BDNF: variants seen among roughly 807,000 people sequenced by gnomAD.
BDNF encodes brain derived neurotrophic factor.
A neutral mutation model predicts 19.5 loss-of-function variants in BDNF; 1 was observed. The ratio of observed to expected loss-of-function variants is 0.05; its 90% CI spans 0.02 to 0.24. The LOEUF (loss-of-function observed/expected upper bound fraction) is 0.24. Among genes scored for constraint, BDNF ranks in the 10% least tolerant of loss-of-function variants. BDNF has a pLI of 1.00. For synonymous variants in BDNF, 100 were observed against 121.6 expected (o/e 0.82, Z 1.17); for missense variants, 195 against 317.6 (o/e 0.61, Z 2.93).
At chr11:27,682,127 A>G (rs1856905475) in intron 1 of BDNF, among the ~76,000 whole-genome samples, 1 of 152,156 alleles carries the variant, frequency 6.6e-6, no homozygotes, top group East Asian at 1.9e-4. Flanking sequence ...GTACTTGGAT[A>G]GTGAAATAAA....
In BDNF at chr11:27,657,457, G is replaced by T. The variant is rs1257227892; in HGVS notation, c.*364C>A. ...TTTGGTTCAAATTTTTGTTGTGTGT[G>T]TGTGTGTTTTTTTTCTGTTTTCTGA... On this transcript the variant is annotated 3_prime_UTR_variant, in exon 2 of 2. Coordinates refer to ENST00000356660, the MANE Select transcript of BDNF (RefSeq NM_001709.5). This position sits in a 1 kb window ranked among gnomAD's most constrained non-coding sequence, Gnocchi z 5.0. 10 of 1,006,978 alleles carry T rather than the reference G, an allele frequency of 9.9e-6. No individual in the cohort carries two copies. The highest frequency in any genetic ancestry group is 1.2e-5 in the Non-Finnish European group (10 of 845,818). 62.4% of individuals were successfully genotyped at this position (1,006,978 alleles called of 1,614,324 possible). A position where few individuals can be genotyped will look rare whatever the true frequency, so the allele number is the denominator to read the frequency against.
At chr11:27,706,099 C>T (rs1297245428) in intron 1 of BDNF, among the ~76,000 whole-genome samples, 4 of 152,144 alleles carry the variant, frequency 2.6e-5, no homozygotes, top group African/African-American at 9.7e-5. Flanking sequence ...GCTCCCAAAG[C>T]TGGAGTGGCA....
intron 1 of BDNF, among the ~76,000 whole-genome samples, chr11:27,707,788 G>A (rs1860168372): frequency 6.6e-6 from 1 of 152,170 alleles, no homozygotes; most frequent in South Asian, 2.1e-4. Flanking sequence ...TGCCATGTAT[G>A]TACTCTGGGA....
Position 27,656,945 on chromosome 11 carries a change from G to A in BDNF, c.*876C>T, listed in dbSNP as rs1852639252. 1 of 985,212 alleles carries A rather than the reference G, an allele frequency of 1.0e-6. No homozygotes were observed. The highest frequency in any genetic ancestry group is 1.2e-6 in the Non-Finnish European group (1 of 829,964). The allele number at this position is 985,212 out of a possible 1,614,324, so 61.0% of individuals were successfully genotyped here. On this transcript the variant is annotated 3_prime_UTR_variant, in exon 2 of 2. Transcript: ENST00000356660. Reference sequence around the variant, plus strand: ...CTTCCTTAAAACAAAACAAAGAGGAGACCAGAGGGGGAGGGGGGGAAAGAA... The same window carrying A: ...CTTCCTTAAAACAAAACAAAGAGGAAACCAGAGGGGGAGGGGGGGAAAGAA...
At chr11:27,696,395 C>T (rs958311151) in intron 1 of BDNF, 1 of 152,200 alleles carries the variant, frequency 6.6e-6, no homozygotes, top group Non-Finnish European at 1.5e-5. Context: ...TAAGTTTGCT[C>T]ATTCACTTTT....
chr11:27,657,795 A>T lies in BDNF; in HGVS notation c.*26T>A. 1.2e-6 allele frequency: 2 copies of T among 1,609,870 alleles called. No homozygotes were observed. Among genetic ancestry groups the T allele is most frequent in the East Asian group, 4.5e-5 (2 of 44,868 alleles). ...AAATAGATAATTTTTGTCTCAATAT[A>T]ATCTAATCTATACAACATAAATCCA... is the stretch of plus-strand genomic sequence containing the variant. On this transcript the variant is annotated 3_prime_UTR_variant, in exon 2 of 2. Coordinates refer to ENST00000356660, the MANE Select transcript of BDNF (RefSeq NM_001709.5). The surrounding 1 kb of genome is among the most constrained non-coding windows in gnomAD (Gnocchi z 5.0).
At chr11:27,701,973 C>A (rs1000149240), upstream of BDNF, among the ~76,000 whole-genome samples, 2 of 150,612 alleles carry the variant, frequency 1.3e-5, no homozygotes, top group Admixed American at 1.3e-4. Context: ...CCGCCCTCCA[C>A]CCCCACCACT....
At chr11:27,705,904 C>T (rs1333445746) in intron 1 of BDNF, among the ~76,000 whole-genome samples, 1 of 152,146 alleles carries the variant, frequency 6.6e-6, no homozygotes, top group African/African-American at 2.4e-5. Context: ...ACATTTTAGC[C>T]CTTTACATGC....
intron 1 of BDNF, among the ~76,000 whole-genome samples, chr11:27,698,330 C>G (rs1335158509): frequency 2.7e-5 from 4 of 150,528 alleles, no homozygotes; most frequent in Admixed American, 6.6e-5. Context: ...AGGTGCTGTT[C>G]CCAGGGTCAA....
intron 1 of BDNF, among the ~76,000 whole-genome samples, chr11:27,698,343 C>A (rs933294609): frequency 6.8e-5 from 10 of 147,384 alleles, no homozygotes; most frequent in African/African-American, 2.5e-4. Flanking sequence ...AGGGTCAAAA[C>A]TTTGTGGTGT....
At chr11:27,709,864 A>G (rs577328124) in intron 1 of BDNF, among the ~76,000 whole-genome samples, 1 of 152,344 alleles carries the variant, frequency 6.6e-6, no homozygotes, top group African/African-American at 2.4e-5. Context: ...AGAAGAGATG[A>G]TTTAGGTGAT....
Position 27,667,207 on chromosome 11 carries a change from A to T in BDNF, c.-21-8622T>A, listed in dbSNP as rs369728695. ...AGGAGAAATAAAATCCTTTACAGAC[A>T]AGCAAATGCTGAGAGATTTTGTCAC... On this transcript the variant is annotated intron_variant, in intron 1 of 1. Coordinates refer to ENST00000356660, the MANE Select transcript of BDNF (RefSeq NM_001709.5). Among the ~76,000 whole-genome samples the T allele has an allele frequency of 7.0e-4, 106 of 152,234 alleles. 5 individuals are homozygous for T. In the South Asian group the frequency reaches 0.022, roughly 31 times the overall value.
intron 1 of BDNF, chr11:27,690,962 C>CAA (rs1387230448): frequency 1.3e-5 from 2 of 151,918 alleles, no homozygotes; most frequent in African/African-American, 4.8e-5. Context: ...CAGTAGTTCT[C>CAA]CCTCTACTGT....
In BDNF at chr11:27,708,393, T is replaced by A. The variant is rs113457840; in HGVS notation, c.3+13019A>T. On this transcript the variant is annotated intron_variant, in intron 1 of 1. Coordinates refer to the BDNF transcript ENST00000314915. ...GCAAAGTGAGTAAAAATAAGTTGAA[T>A]TCCATAAAGAAGAATCATGCTAATC... is the stretch of plus-strand genomic sequence containing the variant. 1.5e-3 allele frequency among the ~76,000 whole-genome samples: 223 copies of A among 152,336 alleles called. 1 individual carries two copies. Among genetic ancestry groups the A allele is most frequent in the African/African-American group, 5.2e-3 (218 of 41,578 alleles).
chr11:27,700,415 C>G lies in BDNF; in HGVS notation c.-273G>C. 1 of 985,534 alleles carries G rather than the reference C, an allele frequency of 1.0e-6. No homozygotes were observed. Among genetic ancestry groups the G allele is most frequent in the Non-Finnish European group, 1.2e-6 (1 of 830,000 alleles). 61.0% of individuals were successfully genotyped at this position (985,534 alleles called of 1,614,324 possible). On this transcript the variant is annotated 5_prime_UTR_variant, in exon 1 of 2. Transcript: ENST00000356660. ...CAGCGAGCGGGCGGGTGCGCCCGGG[C>G]GCGGCGGCGGCAGCGTCGGGGACCC... is the stretch of plus-strand genomic sequence containing the variant.
intron 1 of BDNF, among the ~76,000 whole-genome samples, chr11:27,677,972 A>G (rs1012659442): frequency 1.3e-5 from 2 of 152,148 alleles, no homozygotes; most frequent in Non-Finnish European, 2.9e-5. Flanking sequence ...TCCCTAGAAG[A>G]AACTGATTCA....
intron 1 of BDNF, chr11:27,660,126 G>A: frequency 1.0e-6 from 1 of 986,096 alleles, no homozygotes; most frequent in Non-Finnish European, 1.3e-6. Flanking sequence ...TTCTGCCCAT[G>A]AAGTTTTACT....
intron 1 of BDNF, among the ~76,000 whole-genome samples, chr11:27,720,005 A>G (rs561305446): frequency 4.8e-4 from 73 of 152,224 alleles, no homozygotes; most frequent in African/African-American, 1.7e-3. Context: ...ATTAGTAATG[A>G]ATCTACTGTA....
In BDNF at chr11:27,656,762, C is replaced by T. The variant is rs962658012; in HGVS notation, c.*1059G>A. On this transcript the variant is annotated 3_prime_UTR_variant, in exon 2 of 2. Transcript: ENST00000356660. ...ATGATTTACCCAAATGTTCACTCCTCATAAAAAATAATCTTCATTTTGGGG... is the reference window on the plus strand; with the variant it reads ...ATGATTTACCCAAATGTTCACTCCTTATAAAAAATAATCTTCATTTTGGGG... 3.0e-5 allele frequency: 30 copies of T among 985,176 alleles called. No individual in the cohort carries two copies. The highest frequency in any genetic ancestry group is 5.2e-5 in the African/African-American group (3 of 57,208). The allele number at this position is 985,176 out of a possible 1,614,324, so 61.0% of individuals were successfully genotyped here. A position where few individuals can be genotyped will look rare whatever the true frequency, so the allele number is the denominator to read the frequency against.
Sources: gnomAD v4.1 joint callset for allele counts (sites outside exome capture counted in the v4.1 genomes callset) on GRCh38, gnomAD v4.1.1 for gene constraint, Gnocchi (gnomAD v3.1) non-coding constraint, MANE v1.5 for transcripts, NCBI Gene and HGNC (gene_info 2026-07-23, HGNC 2026-07-21) for gene names.